The following NAV2 variants were observed in gnomAD, a reference collection of about 807,000 sequenced individuals.
NAV2 encodes helicase, APC down-regulated 1.
Under a neutral mutation model 223.2 loss-of-function variants are expected in NAV2, and 54 were observed. The observed-to-expected ratio is 0.24, with a 90% CI of 0.19 to 0.30. NAV2 has a LOEUF of 0.30. Ranked by LOEUF, NAV2 falls within the 10% of genes least tolerant of loss-of-function variation. The pLI is 1.00. For synonymous variants in NAV2, 1,279 were observed against 1,239.3 expected (o/e 1.03, Z -0.67); for missense variants, 2,806 against 3,147.5 (o/e 0.89, Z 2.60).
intron 2 of NAV2, among the ~76,000 whole-genome samples, chr11:19,841,008 C>T (rs2152938398): frequency 6.6e-6 from 1 of 152,264 alleles, no homozygotes; most frequent in East Asian, 1.9e-4. Flanking sequence ...ATGAGTTATT[C>T]CATTCAGTGG....
chr11:20,116,501 G>A (rs1410967028), intron 37 of NAV2, among the ~76,000 whole-genome samples: 1 of 152,190 alleles, frequency 6.6e-6, no homozygotes, highest in Non-Finnish European at 1.5e-5. Flanking sequence ...CCAAAGTCAC[G>A]GAGGTATTTT....
intron 1 of NAV2, among the ~76,000 whole-genome samples, chr11:19,829,948 C>T (rs1196863798): frequency 1.3e-5 from 2 of 152,166 alleles, no homozygotes; most frequent in African/African-American, 2.4e-5. Flanking sequence ...AATCTGGGAC[C>T]GGGTGCGGTG....
At chr11:19,560,530 C>T (rs2045057475) in intron 1 of NAV2, among the ~76,000 whole-genome samples, 1 of 152,160 alleles carries the variant, frequency 6.6e-6, no homozygotes, top group Admixed American at 6.5e-5. Context: ...CCTGTAAAAG[C>T]CCTGATGTGG....
At chr11:20,080,253 G>A in intron 25 of NAV2, 44 bp downstream of exon 25, 1 of 1,583,278 alleles carries the variant, frequency 6.3e-7, no homozygotes, top group Non-Finnish European at 8.6e-7. Flanking sequence ...GACAGAGTCA[G>A]TTGCAGAACT....
chr11:19,374,067 T>C (rs1848559313), intron 1 of NAV2, among the ~76,000 whole-genome samples: 2 of 152,232 alleles, frequency 1.3e-5, no homozygotes, highest in Admixed American at 1.3e-4. Flanking sequence ...AAACTCAGTA[T>C]GTACATTTTA....
chr11:19,733,289 T>C (rs2051982458), intron 1 of NAV2, among the ~76,000 whole-genome samples: 1 of 152,260 alleles, frequency 6.6e-6, no homozygotes, highest in African/African-American at 2.4e-5. Flanking sequence ...TCTGTGTTTA[T>C]GTCTTAGACC....
intron 1 of NAV2, among the ~76,000 whole-genome samples, chr11:19,354,597 A>G (rs1853507624): frequency 6.6e-6 from 1 of 152,228 alleles, no homozygotes; most frequent in Admixed American, 6.5e-5. Context: ...TTCCCTTTTA[A>G]TTGATGCATA....
Position 20,097,647 on chromosome 11 carries a change from T to C in NAV2, c.6083T>C (p.Ile2028Thr). The C allele has an allele frequency of 1.2e-6, 2 of 1,613,740 alleles. No homozygotes were observed. The highest frequency in any genetic ancestry group is 1.7e-6 in the Non-Finnish European group (2 of 1,179,934). ...LNSDSVLGYS[I>T]GEIKRSNTSE... is the part of the protein sequence containing the mutation. ...TCAGACAGCGTTCTTGGCTACAGCA[T>C]TGGAGAAATCAAGCGCAGCAACACT... The change falls in exon 31 of 38, where the codon ATT (isoleucine) becomes ACT (threonine). Residue 2028 changes from isoleucine (I) to threonine (T), a missense_variant. Transcript: ENST00000349880.
At chr11:19,920,292 ATTAT>A (rs2044172078) in intron 6 of NAV2, among the ~76,000 whole-genome samples, 1 of 152,148 alleles carries the variant, frequency 6.6e-6, no homozygotes, top group African/African-American at 2.4e-5. Flanking sequence ...CTGTTAAATT[ATTAT>A]TTATTTATTT....
At chr11:19,741,497 C>CTT (rs71050682) in intron 1 of NAV2, among the ~76,000 whole-genome samples, 2 of 114,938 alleles carry the variant, frequency 1.7e-5, no homozygotes, top group Non-Finnish European at 3.4e-5. Flanking sequence ...TTCTTTCTTT[C>CTT]TTTTTTTTTT....
At chr11:19,928,852 G>T (rs1591285951) in intron 6 of NAV2, among the ~76,000 whole-genome samples, 1 of 152,152 alleles carries the variant, frequency 6.6e-6, no homozygotes, top group Non-Finnish European at 1.5e-5. Context: ...TGGGGACAAA[G>T]TTCAAGGTCC....
chr11:19,589,666 G>A (rs1419356326), intron 1 of NAV2, among the ~76,000 whole-genome samples: 2 of 152,188 alleles, frequency 1.3e-5, no homozygotes, highest in African/African-American at 4.8e-5. Flanking sequence ...AGCAGCAGGT[G>A]GGAAGTGAGG....
At chr11:19,970,678 A>C (rs954974771) in intron 10 of NAV2, among the ~76,000 whole-genome samples, 2 of 152,222 alleles carry the variant, frequency 1.3e-5, no homozygotes, top group African/African-American at 4.8e-5. Flanking sequence ...AGTTATAATA[A>C]ATGTGAAATA....
Position 19,713,689 on chromosome 11 carries a change from G to A in NAV2, c.-7G>A. 1 of 1,554,242 alleles carries A rather than the reference G, an allele frequency of 6.4e-7. No individual in the cohort carries two copies. Among genetic ancestry groups the A allele is most frequent in the Non-Finnish European group, 8.7e-7 (1 of 1,147,380 alleles). On this transcript the variant is annotated 5_prime_UTR_variant, in exon 1 of 38. Coordinates refer to ENST00000349880, the MANE Select transcript of NAV2 (RefSeq NM_145117.5). This position sits in a 1 kb window ranked among gnomAD's most constrained non-coding sequence, Gnocchi z 7.2. ...ACGTGCTGGGAAAGCCCAAGCCCCG[G>A]GAGAAGATGCCGGCCATCCTGGTCG...
chr11:19,707,559 T>C (rs1282276739), intron 1 of NAV2, among the ~76,000 whole-genome samples: 1 of 152,222 alleles, frequency 6.6e-6, no homozygotes, highest in Non-Finnish European at 1.5e-5. Context: ...TCATCTCCTA[T>C]GCCAACAATG....
At chr11:19,960,300 G>C (rs193041846) in intron 10 of NAV2, among the ~76,000 whole-genome samples, 3 of 152,082 alleles carry the variant, frequency 2.0e-5, no homozygotes, top group Non-Finnish European at 4.4e-5. Flanking sequence ...CTGGAGCTCC[G>C]GGTGGCTTAT....
At chr11:19,956,171 C>G (rs1460033731) in intron 10 of NAV2, among the ~76,000 whole-genome samples, 1 of 152,118 alleles carries the variant, frequency 6.6e-6, no homozygotes, top group South Asian at 2.1e-4. Context: ...GGCTTGGAGC[C>G]AATGAATGGA....
chr11:19,698,835 T>C lies in NAV2; in HGVS notation c.76-133649T>C, dbSNP rs552984030. On this transcript the variant is annotated intron_variant, in intron 1 of 37. Transcript: ENST00000360655. ...GTGCATGTGAGAGAGAGAGAGTGTG[T>C]GTGTATGTGTGTGTGTAGGCGGGTA... Among the ~76,000 whole-genome samples, 1,318 of 152,134 alleles carry C rather than the reference T, an allele frequency of 8.7e-3. 9 individuals are homozygous for C. The highest frequency in any genetic ancestry group is 0.031 in the African/African-American group (1,266 of 41,456).
In NAV2 at chr11:19,776,609, G is replaced by GTGTGTGTGTGTGTGT. The variant is rs1565295714; in HGVS notation, c.268-55874_268-55873insGTGTGTGTGTGTGTT. Among the ~76,000 whole-genome samples the GTGTGTGTGTGTGTGT allele has an allele frequency of 6.4e-3, 444 of 69,662 alleles. 7 individuals carry two copies. The highest frequency in any genetic ancestry group is 0.026 in the African/African-American group (410 of 15,972). The allele number at this position is 69,662 out of a possible 152,430, so 45.7% of individuals were successfully genotyped here. A position where few individuals can be genotyped will look rare whatever the true frequency, so the allele number is the denominator to read the frequency against. On this transcript the variant is annotated intron_variant, in intron 1 of 37. Transcript: ENST00000349880. ...GTGTGTGTGTGTGTGTGTGTGTGTG[G>GTGTGTGTGTGTGTGT]TTAGAGTTGTGGGGGTCAGAAAATG...
Sources: allele counts gnomAD v4.1 joint callset (sites outside exome capture counted in the v4.1 genomes callset), GRCh38; gene constraint gnomAD v4.1.1; non-coding constraint Gnocchi (gnomAD v3.1); transcripts MANE v1.5; gene names NCBI Gene and HGNC (gene_info 2026-07-23, HGNC 2026-07-21).